The following MTO1 variants were observed in gnomAD, a reference collection of about 807,000 sequenced individuals.
MTO1 encodes 5-taurinomethyluridine-[tRNA] synthase subunit MTO1, mitochondrial.
MTO1 carries 46 observed loss-of-function variants against 71.6 expected under a neutral mutation model. The ratio of observed to expected loss-of-function variants is 0.64; its 90% CI spans 0.51 to 0.82. MTO1 has a LOEUF of 0.82. MTO1 is among the 40% of genes least tolerant of loss of function. The probability of loss-of-function intolerance (pLI) is 0.00; values close to 1 mark genes in which losing one functional copy is unlikely to be tolerated. For synonymous variants in MTO1, 297 were observed against 312.1 expected, an observed-to-expected ratio of 0.95 and a Z score of 0.51; for missense variants, 773 against 867.5, an observed-to-expected ratio of 0.89 and a Z score of 1.37.
At chr6:73,474,597 C>T (rs1309021496) in intron 4 of MTO1, among the ~76,000 whole-genome samples, 1 of 150,286 alleles carries the variant, frequency 6.7e-6, no homozygotes, top group African/African-American at 2.5e-5. Flanking sequence ...TGCAAGCACC[C>T]GCCATCATGC....
intron 4 of MTO1, 145 bp from the exon 5 acceptor site, chr6:73,479,587 G>T: frequency 3.7e-6 from 2 of 537,242 alleles, no homozygotes; most frequent in African/African-American, 2.0e-5. Flanking sequence ...TTTATTTTTG[G>T]CAAGAATACT....
chr6:73,471,206 C>CTTTTTTTTTTTTTTTTTTTTT (rs11384040), intron 3 of MTO1, among the ~76,000 whole-genome samples: 1 of 144,116 alleles, frequency 6.9e-6, no homozygotes, highest in African/African-American at 2.5e-5. Context: ...GGAGGCCATG[C>CTTTTTTTTTTTTTTTTTTTTT]TTTTTTTTTT....
At chr6:73,473,260 AGAGT>A (rs1199444593) in intron 3 of MTO1, 101 bp from the exon 4 acceptor site, 1 of 1,208,094 alleles carries the variant, frequency 8.3e-7, no homozygotes, top group Non-Finnish European at 1.1e-6. Context: ...GCCTGGCGAT[AGAGT>A]GAGACTTCAT....
chr6:73,506,322 T>C lies in MTO1; in HGVS notation c.*5587T>C, dbSNP rs895978001. The C allele has an allele frequency of 2.2e-4, 33 of 152,152 alleles. No homozygotes were observed. Among genetic ancestry groups the C allele is most frequent in the African/African-American group, 7.7e-4 (32 of 41,422 alleles). The allele number at this position is 152,152 out of a possible 1,614,324, so 9.4% of individuals were successfully genotyped here. A position where few individuals can be genotyped will look rare whatever the true frequency, so the allele number is the denominator to read the frequency against. ...CTTTGTTTGATATGGTTTGGCTGTG[T>C]CCCCACCCAAATCTCAACTTGAACT... is the stretch of plus-strand genomic sequence containing the variant. On this transcript the variant is annotated 3_prime_UTR_variant, in exon 12 of 12. Transcript: ENST00000498286.
At chr6:73,492,536 A>G (rs950564566) in intron 10 of MTO1, among the ~76,000 whole-genome samples, 184 bp downstream of exon 10, 1 of 152,126 alleles carries the variant, frequency 6.6e-6, no homozygotes, top group Non-Finnish European at 1.5e-5. Flanking sequence ...TTGGCTGGGC[A>G]CAGTGGCTCA....
chr6:73,476,721 G>A (rs2150033670), intron 4 of MTO1, among the ~76,000 whole-genome samples: 1 of 152,006 alleles, frequency 6.6e-6, no homozygotes, highest in South Asian at 2.1e-4. Context: ...TAAGCACAGA[G>A]ACATCCTTTT....
chr6:73,494,662 A>T (rs1290717782), intron 10 of MTO1, among the ~76,000 whole-genome samples: 1 of 145,724 alleles, frequency 6.9e-6, no homozygotes, highest in Non-Finnish European at 1.5e-5. Flanking sequence ...TTTTTAGTAG[A>T]GACGGGGTTT....
chr6:73,467,700 A>G lies in MTO1; in HGVS notation c.535+1094A>G, dbSNP rs545928173. 5.3e-5 allele frequency among the ~76,000 whole-genome samples: 8 copies of G among 152,240 alleles called. No homozygotes were observed. In the South Asian group the frequency reaches 1.2e-3, roughly 24 times the overall value. On this transcript the variant is annotated intron_variant, in intron 3 of 11. Coordinates refer to ENST00000498286, the MANE Select transcript of MTO1 (RefSeq NM_012123.4). Reference sequence around the variant, plus strand: ...CAACCATCTCCTTCCCTGGAGACAGACACTTCAGCTTTTTTAGTTGTCACT... The same window carrying G: ...CAACCATCTCCTTCCCTGGAGACAGGCACTTCAGCTTTTTTAGTTGTCACT...
At chr6:73,479,885 A>G in intron 5 of MTO1, 41 bp downstream of exon 5, 1 of 1,603,472 alleles carries the variant, frequency 6.2e-7, no homozygotes, top group Non-Finnish European at 8.5e-7. Flanking sequence ...TTAAGGAATG[A>G]CGTCAATCCT....
rs372283527 is a variant in MTO1, at chr6:73,461,850, C to G, written c.-5C>G. 1.9e-6 allele frequency: 3 copies of G among 1,608,368 alleles called. No individual in the cohort carries two copies. The highest frequency in any genetic ancestry group is 2.6e-6 in the Non-Finnish European group (3 of 1,175,116). Reference sequence around the variant, plus strand: ...CTTCAAAGTCAGATAGATTTTTCTCCCAGCATGTTCTACTTCCGAGGCTGT... The same window carrying G: ...CTTCAAAGTCAGATAGATTTTTCTCGCAGCATGTTCTACTTCCGAGGCTGT... On this transcript the variant is annotated 5_prime_UTR_variant, in exon 1 of 12. Transcript: ENST00000498286.
chr6:73,466,357 G>T lies in MTO1; in HGVS notation c.366G>T (p.Val122=), dbSNP rs141495600. The T allele has an allele frequency of 3.1e-6, 5 of 1,614,204 alleles. No individual in the cohort carries two copies. The highest frequency in any genetic ancestry group is 3.4e-6 in the Non-Finnish European group (4 of 1,180,048). The change falls in exon 2 of 12, where the codon GTG becomes GTT. Residue 122 remains valine (V), a synonymous_variant. Transcript: ENST00000498286. ...KVLNRRKGPA[V]WGLRAQIDRK... ...TAAACCGGCGTAAGGGACCAGCTGT[G>T]TGGGGTCTGAGAGCTCAGATTGATA...
chr6:73,487,278 C>T (rs372017084), intron 9 of MTO1, among the ~76,000 whole-genome samples: 2 of 149,616 alleles, frequency 1.3e-5, no homozygotes, highest in Non-Finnish European at 1.5e-5. Flanking sequence ...CTGCAACCTT[C>T]GCCCCCTGGT....
At chr6:73,498,437 C>T (rs1772062468) in intron 11 of MTO1, among the ~76,000 whole-genome samples, 1 of 150,262 alleles carries the variant, frequency 6.7e-6, no homozygotes, top group African/African-American at 2.5e-5. Context: ...TAGATTAAAA[C>T]ATAACTCATA....
At chr6:73,500,179 T>G (rs968005269) in intron 11 of MTO1, among the ~76,000 whole-genome samples, 1 of 152,166 alleles carries the variant, frequency 6.6e-6, no homozygotes, top group Non-Finnish European at 1.5e-5. Context: ...TTTGTTTATT[T>G]TCTGTAGAGA....
intron 9 of MTO1, among the ~76,000 whole-genome samples, chr6:73,487,384 G>T (rs780046558): frequency 4.6e-5 from 7 of 151,360 alleles, no homozygotes; most frequent in Non-Finnish European, 1.0e-4. Flanking sequence ...TAGAGATGGG[G>T]TTTCACCATG....
rs1315525407 is a variant in MTO1, at chr6:73,503,330, C to T, written c.*2595C>T. The stretch of plus-strand genomic sequence containing the variant: ...GTCTCACTATGTTGCCCAGGCTGGT[C>T]TTGAACTTCTGGCCTCAAATGATCC... On this transcript the variant is annotated 3_prime_UTR_variant, in exon 12 of 12. Coordinates refer to ENST00000498286, the MANE Select transcript of MTO1 (RefSeq NM_012123.4). 3.3e-5 allele frequency: 5 copies of T among 152,416 alleles called. No individual in the cohort carries two copies. The highest frequency in any genetic ancestry group is 1.2e-4 in the African/African-American group (5 of 41,590). The allele number at this position is 152,416 out of a possible 1,614,324, so 9.4% of individuals were successfully genotyped here. A position where few individuals can be genotyped will look rare whatever the true frequency, so the allele number is the denominator to read the frequency against.
At chr6:73,462,102 GTAGGA>G in intron 1 of MTO1, 31 bp downstream of exon 1, 1 of 1,605,604 alleles carries the variant, frequency 6.2e-7, no homozygotes, top group Non-Finnish European at 8.5e-7. Flanking sequence ...GGAACTTGGC[GTAGGA>G]CGCAGGCTGC....
intron 9 of MTO1, among the ~76,000 whole-genome samples, chr6:73,485,873 ACT>A (rs1188475271): frequency 2.0e-5 from 3 of 152,202 alleles, no homozygotes; most frequent in South Asian, 2.1e-4. Context: ...GTTGAACCTG[ACT>A]CTGAACAGGC....
intron 9 of MTO1, chr6:73,487,804 C>T (rs1358671446): frequency 6.6e-6 from 1 of 151,658 alleles, no homozygotes; most frequent in Non-Finnish European, 1.5e-5. Flanking sequence ...GTCCAGAACT[C>T]CTGGGCTCAA....
Sources: gnomAD v4.1 joint callset for allele counts (sites outside exome capture counted in the v4.1 genomes callset) on GRCh38, gnomAD v4.1.1 for gene constraint, MANE v1.5 for transcripts, NCBI Gene and HGNC (gene_info 2026-07-23, HGNC 2026-07-21) for gene names.